SPRR4: variants seen among roughly 807,000 people sequenced by gnomAD.
SPRR4 encodes small proline-rich protein 4.
For synonymous variants in SPRR4, 30 were observed against 34.3 expected (o/e 0.87, Z 0.44); for missense variants, 106 against 91.6 (o/e 1.16, Z -0.64).
chr1:152,969,153 C>T (rs183047660), upstream of SPRR4, among the ~76,000 whole-genome samples: 1 of 152,248 alleles, frequency 6.6e-6, no homozygotes, highest in East Asian at 1.9e-4. Context: ...GAAAAATGAA[C>T]AGTATTCCAT....
rs1294525118 is a variant in SPRR4 at position 152,972,331 on chromosome 1, C to T, written c.*201C>T. 1 of 818,560 alleles carries T rather than the reference C, an allele frequency of 1.2e-6. No homozygotes were observed. The highest frequency in any genetic ancestry group is 2.8e-5 in the East Asian group (1 of 36,098). The allele number at this position is 818,560 out of a possible 1,614,324, so 50.7% of individuals were successfully genotyped here. ...CCACCTTGGCTTCTTCTATATCCCA[C>T]CCCGATGCTCTCCCAGGTGGGTGTG... On this transcript the variant is annotated 3_prime_UTR_variant, in exon 2 of 2. Coordinates refer to ENST00000328051, the MANE Select transcript of SPRR4 (RefSeq NM_173080.3).
chr1:152,971,611 CA>C, intron 1 of SPRR4, among the ~76,000 whole-genome samples: 2 of 149,474 alleles, frequency 1.3e-5, no homozygotes, highest in East Asian at 3.9e-4. Context: ...CACACACACA[CA>C]CTCACACACA....
At chr1:152,970,457 CAG>C (rs1160816763), upstream of SPRR4, among the ~76,000 whole-genome samples, 2 of 152,306 alleles carry the variant, frequency 1.3e-5, no homozygotes, top group East Asian at 3.9e-4. Context: ...AGCTCAGGTG[CAG>C]AGACTTGGAA....
intron 1 of SPRR4, 114 bp from the exon 2 acceptor site, chr1:152,971,757 A>G (rs1651854113): frequency 7.3e-7 from 1 of 1,368,262 alleles, no homozygotes; most frequent in Non-Finnish European, 1.0e-6. Flanking sequence ...CTAAGATGGC[A>G]TGCTTTGACC....
intron 1 of SPRR4, among the ~76,000 whole-genome samples, chr1:152,971,368 C>G (rs1405081026): frequency 6.6e-6 from 1 of 152,092 alleles, no homozygotes; most frequent in African/African-American, 2.4e-5. Context: ...TTGGCTAGCG[C>G]TCTTTCCTTT....
chr1:152,971,974 G>A lies in SPRR4; in HGVS notation c.84G>A (p.Gln28=), dbSNP rs759081673. The A allele has an allele frequency of 1.2e-6, 2 of 1,613,860 alleles. No individual in the cohort carries two copies. The highest frequency in any genetic ancestry group is 1.7e-6 in the Non-Finnish European group (2 of 1,180,006). ...AQQQQVKQPC[Q]PPPVKCQETC... ...AGCAGCAAGTGAAGCAGCCTTGTCA[G>A]CCACCCCCTGTTAAATGTCAAGAGA... Residue 28 remains glutamine, a synonymous_variant, in exon 2 of 2, where the codon CAG becomes CAA. Transcript: ENST00000328051.
intron 1 of SPRR4, among the ~76,000 whole-genome samples, chr1:152,971,024 G>T (rs1484900657): frequency 2.6e-5 from 4 of 152,146 alleles, no homozygotes; most frequent in Non-Finnish European, 4.4e-5. Flanking sequence ...ACCCTATTCT[G>T]CATTTTGCTT....
rs1651871744 is a variant in SPRR4 at position 152,972,226 on chromosome 1, C to A, written c.*96C>A. The stretch of plus-strand genomic sequence containing the variant: ...CTTCCCTCCAGCTCTTGAGCCTACC[C>A]TCCTCTCACATCTCCTCCTGCCCAA... On this transcript the variant is annotated 3_prime_UTR_variant, in exon 2 of 2. Transcript: ENST00000328051. 2 of 1,532,622 alleles carry A rather than the reference C, an allele frequency of 1.3e-6. No homozygotes were observed. The highest frequency in any genetic ancestry group is 1.8e-6 in the Non-Finnish European group (2 of 1,133,820). 94.9% of individuals were successfully genotyped at this position (1,532,622 alleles called of 1,614,324 possible).
Position 152,972,107 on chromosome 1 carries a change from GC to G in SPRR4, c.219del (p.Ser74ProfsTer36), listed in dbSNP as rs770284768. On this transcript the variant is annotated frameshift_variant, in exon 2 of 2. Transcript: ENST00000328051. LOFTEE classifies it high-confidence loss of function. ...AQQKCPSAQQ[A>X]SKSKQK Reference sequence around the variant, plus strand: ...GCAGAAGTGTCCCTCAGCCCAGCAAGCCTCCAAGAGCAAACAGAAGTAAGGA... The same window carrying G: ...GCAGAAGTGTCCCTCAGCCCAGCAAGCTCCAAGAGCAAACAGAAGTAAGGA... The G allele has an allele frequency of 1.9e-6, 3 of 1,613,808 alleles. No individual in the cohort carries two copies. The South Asian group carries it at 3.3e-5, about 18-fold the overall frequency.
rs201775282 is a variant in SPRR4 at position 152,972,074 on chromosome 1, C to G, written c.184C>G (p.Pro62Ala). ...KQCPPKGTII[P>A]AQQKCPSAQQ... Reference sequence around the variant, plus strand: ...ATGCCCACCGAAAGGCACCATCATTCCAGCCCAGCAGAAGTGTCCCTCAGC... The same window carrying G: ...ATGCCCACCGAAAGGCACCATCATTGCAGCCCAGCAGAAGTGTCCCTCAGC... The change falls in exon 2 of 2, where the codon CCA becomes GCA. Residue 62 changes from proline to alanine, a missense_variant. Pro to Ala is a conservative substitution (Grantham distance 27). Coordinates refer to ENST00000328051, the MANE Select transcript of SPRR4 (RefSeq NM_173080.3). 6.2e-7 allele frequency: 1 copy of G among 1,614,116 alleles called. No individual in the cohort carries two copies. The highest frequency in any genetic ancestry group is 2.2e-5 in the East Asian group (1 of 44,868).
upstream of SPRR4, among the ~76,000 whole-genome samples, chr1:152,969,317 T>C (rs1651765621): frequency 6.6e-6 from 1 of 152,192 alleles, no homozygotes; most frequent in African/African-American, 2.4e-5. Context: ...CAGCTGCATG[T>C]GGTTGAGCAG....
chr1:152,971,578 T>TCACACA (rs57593504), intron 1 of SPRR4, among the ~76,000 whole-genome samples: 147 of 144,238 alleles, frequency 1.0e-3, no homozygotes, highest in African/African-American at 3.6e-3. Context: ...GCCCGATCTC[T>TCACACA]CACACACACA....
At chr1:152,970,216 T>G (rs1181346181), upstream of SPRR4, among the ~76,000 whole-genome samples, 1 of 152,208 alleles carries the variant, frequency 6.6e-6, no homozygotes, top group Admixed American at 6.5e-5. Flanking sequence ...GCATGACGGA[T>G]GGTCCTGGTG....
chr1:152,971,576 T>TCACACA (rs1315419133), intron 1 of SPRR4, among the ~76,000 whole-genome samples: 1 of 112,128 alleles, frequency 8.9e-6, no homozygotes, highest in African/African-American at 3.4e-5. Context: ...CAGCCCGATC[T>TCACACA]CTCACACACA....
At chr1:152,971,667 C>A (rs982649582) in intron 1 of SPRR4, among the ~76,000 whole-genome samples, 1 of 151,942 alleles carries the variant, frequency 6.6e-6, no homozygotes, top group African/African-American at 2.4e-5. Flanking sequence ...TTTGTCCTCT[C>A]CTCATGCCCC....
Position 152,972,229 on chromosome 1 carries a change from C to T in SPRR4, c.*99C>T, listed in dbSNP as rs1341195830. ...CCCTCCAGCTCTTGAGCCTACCCTC[C>T]TCTCACATCTCCTCCTGCCCAAGAT... On this transcript the variant is annotated 3_prime_UTR_variant, in exon 2 of 2. Coordinates refer to ENST00000328051, the MANE Select transcript of SPRR4 (RefSeq NM_173080.3). 1.3e-6 allele frequency: 2 copies of T among 1,516,186 alleles called. No individual in the cohort carries two copies. The highest frequency in any genetic ancestry group is 4.0e-5 in the Admixed American group (2 of 49,904). 93.9% of individuals were successfully genotyped at this position (1,516,186 alleles called of 1,614,324 possible).
rs1651872153 is a variant in SPRR4, at chr1:152,972,239, T to A, written c.*109T>A. On this transcript the variant is annotated 3_prime_UTR_variant, in exon 2 of 2. Transcript: ENST00000328051. ...CTTGAGCCTACCCTCCTCTCACATCTCCTCCTGCCCAAGATGTAAGGAAGC... is the reference window on the plus strand; with the variant it reads ...CTTGAGCCTACCCTCCTCTCACATCACCTCCTGCCCAAGATGTAAGGAAGC... 1 of 1,481,314 alleles carries A rather than the reference T, an allele frequency of 6.8e-7. No homozygotes were observed. Among genetic ancestry groups the A allele is most frequent in the Admixed American group, 2.1e-5 (1 of 47,612 alleles). 91.8% of individuals were successfully genotyped at this position (1,481,314 alleles called of 1,614,324 possible).
upstream of SPRR4, among the ~76,000 whole-genome samples, chr1:152,968,791 G>A (rs1651747397): frequency 6.6e-6 from 1 of 152,234 alleles, no homozygotes; most frequent in Non-Finnish European, 1.5e-5. Flanking sequence ...ACCCACATGG[G>A]TGACTGGGAC....
Position 152,972,303 on chromosome 1 carries a change from A to C in SPRR4, c.*173A>C. ...CTTCCCATCGTACCCTTCCCCACACATACCACCTTGGCTTCTTCTATATCC... is the reference window on the plus strand; with the variant it reads ...CTTCCCATCGTACCCTTCCCCACACCTACCACCTTGGCTTCTTCTATATCC... On this transcript the variant is annotated 3_prime_UTR_variant, in exon 2 of 2. Coordinates refer to ENST00000328051, the MANE Select transcript of SPRR4 (RefSeq NM_173080.3). The C allele has an allele frequency of 9.1e-7, 1 of 1,095,226 alleles. No homozygotes were observed. The highest frequency in any genetic ancestry group is 1.3e-6 in the Non-Finnish European group (1 of 771,914). 67.8% of individuals were successfully genotyped at this position (1,095,226 alleles called of 1,614,324 possible).
Sources: gnomAD v4.1 joint callset for allele counts (sites outside exome capture counted in the v4.1 genomes callset) on GRCh38, gnomAD v4.1.1 for gene constraint, MANE v1.5 for transcripts, NCBI Gene and HGNC (gene_info 2026-07-23, HGNC 2026-07-21) for gene names.